Variants in DHX29 observed in about 807,000 individuals in gnomAD.
DHX29 encodes the protein DExH-box helicase 29.
Under a neutral mutation model 167.9 loss-of-function variants are expected in DHX29, and 79 were observed. The ratio of observed to expected loss-of-function variants is 0.47; its 90% CI spans 0.39 to 0.57. The LOEUF is 0.57. Among genes scored for constraint, DHX29 ranks in the 20% least tolerant of loss-of-function variants. The pLI is 0.00. For missense variants in DHX29, 1,347 were observed against 1,593.4 expected (o/e 0.85, Z 2.63); for synonymous variants, 530 against 546.0 (o/e 0.97, Z 0.41).
chr5:55,297,516 T>A (rs1361704062), intron 2 of DHX29, 118 bp from the exon 3 acceptor site: 14 of 614,582 alleles, frequency 2.3e-5, no homozygotes, highest in Non-Finnish European at 3.7e-5. Context: ...TAAAATCAGA[T>A]ACAGTAATTA....
At chr5:55,281,958 G>A (rs1747447311) in intron 11 of DHX29, among the ~76,000 whole-genome samples, 1 of 151,680 alleles carries the variant, frequency 6.6e-6, no homozygotes, top group African/African-American at 2.4e-5. Context: ...GCTAATTTTT[G>A]TATTTTTAGT....
In DHX29 at chr5:55,307,382, C is replaced by A. The variant is rs1222703002; in HGVS notation, c.187+5G>T. 8 of 1,612,246 alleles carry A rather than the reference C, an allele frequency of 5.0e-6. No homozygotes were observed. The South Asian group carries it at 8.8e-5, about 18-fold the overall frequency. On this transcript the variant is annotated splice_donor_5th_base_variant and intron_variant, in intron 1 of 26. Transcript: ENST00000251636. ...GACAGCCAGGGGCTGGGGGACCTCT[C>A]GTACCTTGCTTGACACGGGGCTCCC...
chr5:55,298,692 T>C (rs1748440179), intron 1 of DHX29, 28 bp from the exon 2 acceptor site: 1 of 1,058,158 alleles, frequency 9.5e-7, no homozygotes, highest in Non-Finnish European at 1.5e-6. Flanking sequence ...CAAGGCAATT[T>C]AATGATTAAT....
chr5:55,273,597 GTTCT>G (rs1304833243), intron 16 of DHX29, among the ~76,000 whole-genome samples: 3 of 152,138 alleles, frequency 2.0e-5, no homozygotes, highest in African/African-American at 7.2e-5. Context: ...TTTTTTTAAT[GTTCT>G]TTCTAATGTT....
At chr5:55,268,680 C>T (rs1746700912) in intron 21 of DHX29, among the ~76,000 whole-genome samples, 1 of 152,028 alleles carries the variant, frequency 6.6e-6, no homozygotes. Context: ...TATTGGTAAT[C>T]CCAGAAAAGG....
chr5:55,282,790 A>C (rs1747500266), intron 11 of DHX29, among the ~76,000 whole-genome samples: 1 of 152,070 alleles, frequency 6.6e-6, no homozygotes, highest in Non-Finnish European at 1.5e-5. Flanking sequence ...TTTAATTTAT[A>C]CTGTTTTTCC....
chr5:55,293,386 T>C (rs1579809423), intron 6 of DHX29, among the ~76,000 whole-genome samples: 2 of 152,226 alleles, frequency 1.3e-5, no homozygotes, highest in African/African-American at 2.4e-5. Context: ...ACATTTCCAT[T>C]AGCTTTACAC....
intron 25 of DHX29, among the ~76,000 whole-genome samples, chr5:55,260,203 T>C (rs533441901): frequency 6.6e-6 from 1 of 152,178 alleles, no homozygotes; most frequent in Non-Finnish European, 1.5e-5. Context: ...ATATCAACTC[T>C]GTGGAAGTTA....
At position 55,276,327 on chromosome 5, in the gene DHX29, T is replaced by C; in HGVS notation, c.2366A>G (p.Glu789Gly). The C allele has an allele frequency of 6.2e-7, 1 of 1,604,696 alleles. No individual in the cohort carries two copies. The highest frequency in any genetic ancestry group is 8.5e-7 in the Non-Finnish European group (1 of 1,176,734). ...ATTAATGGTTACTTCTTCTTCCTCT[T>C]CCAGAAATTTCTGACAATATTCTGA... ...KDSEYCQKFL[E>G]EEEEVTINVT... Residue 789 changes from glutamate to glycine, a missense_variant, in exon 14 of 27, where the codon GAA becomes GGA. Glu to Gly is a moderately conservative substitution (Grantham distance 98). This residue lies in a region of DHX29 where 882 missense variants were observed against 1,082.4 expected (regional missense o/e 0.81). Transcript: ENST00000251636.
intron 9 of DHX29, 57 bp from the exon 10 acceptor site, chr5:55,285,473 A>T: frequency 6.6e-7 from 1 of 1,509,208 alleles, no homozygotes; most frequent in Non-Finnish European, 9.0e-7. Context: ...AGATAAAAAA[A>T]ACTCAGAATT....
At chr5:55,281,152 C>T (rs1475272191) in intron 12 of DHX29, among the ~76,000 whole-genome samples, 2 of 151,720 alleles carry the variant, frequency 1.3e-5, no homozygotes, top group Non-Finnish European at 2.9e-5. Context: ...TATACACACA[C>T]ACAAATATAT....
rs113668096 is a variant in DHX29, at chr5:55,298,300, G to A, written c.261+291C>T. Among the ~76,000 whole-genome samples, 1,349 of 152,318 alleles carry A rather than the reference G, an allele frequency of 8.9e-3. 20 individuals carry two copies. Among genetic ancestry groups the A allele is most frequent in the African/African-American group, 0.031 (1,275 of 41,576 alleles). ...GATGTCCCATGAACTAAAATATTAA[G>A]TAGAGATCAGAGTAGCAGAGAGGAG... is the stretch of plus-strand genomic sequence containing the variant. On this transcript the variant is annotated intron_variant, in intron 2 of 26. Transcript: ENST00000251636.
chr5:55,273,257 G>A lies in DHX29; in HGVS notation c.2775+36C>T, dbSNP rs1410650003. ...TACGGCCATCATAAAATACTCTCAG[G>A]TGGATCACATATAAATTTGCTGTAC... is the stretch of plus-strand genomic sequence containing the variant. On this transcript the variant is annotated intron_variant, in intron 17 of 26. Coordinates refer to ENST00000251636, the MANE Select transcript of DHX29 (RefSeq NM_019030.4). The A allele has an allele frequency of 3.2e-6, 5 of 1,543,088 alleles. No individual in the cohort carries two copies. In the South Asian group the frequency reaches 6.2e-5, roughly 19 times the overall value.
chr5:55,268,384 C>T (rs1579761360), intron 21 of DHX29, among the ~76,000 whole-genome samples: 1 of 152,116 alleles, frequency 6.6e-6, no homozygotes, highest in African/African-American at 2.4e-5. Context: ...CAAAGAGAGA[C>T]TATAGTAATA....
chr5:55,270,518 T>G, intron 19 of DHX29, 31 bp from the exon 20 acceptor site: 1 of 1,613,260 alleles, frequency 6.2e-7, no homozygotes, highest in South Asian at 1.1e-5. Flanking sequence ...AAATACATAT[T>G]ATCAGAAATG....
intron 7 of DHX29, 117 bp downstream of exon 7, chr5:55,290,101 C>T (rs1747962430): frequency 1.6e-6 from 2 of 1,226,500 alleles, no homozygotes; most frequent in Admixed American, 4.8e-5. Flanking sequence ...TTGCTAATCC[C>T]ATGTATAAAC....
At chr5:55,301,713 CAAAAAAA>C (rs70992777) in intron 1 of DHX29, among the ~76,000 whole-genome samples, 6 of 64,740 alleles carry the variant, frequency 9.3e-5, no homozygotes, top group African/African-American at 3.4e-4. Flanking sequence ...AACTCCATCT[CAAAAAAA>C]AAAAAAAAAA....
At chr5:55,266,009 CT>C (rs1339324511) in intron 23 of DHX29, among the ~76,000 whole-genome samples, 1 of 141,776 alleles carries the variant, frequency 7.1e-6, no homozygotes, top group African/African-American at 2.6e-5. Flanking sequence ...TTTTCCTTTT[CT>C]TTTTTTTGAG....
chr5:55,307,529 C>T lies in DHX29; in HGVS notation c.45G>A (p.Val15=), dbSNP rs747674546. The T allele has an allele frequency of 1.9e-6, 3 of 1,613,558 alleles. No homozygotes were observed. Among genetic ancestry groups the T allele is most frequent in the Non-Finnish European group, 2.5e-6 (3 of 1,179,920 alleles). The part of the protein sequence containing the change: ...NKKHKAPAAA[V]VRAAVSASRA... ...TGGAAGCAGACACGGCGGCCCGGACCACCGCGGCCGCTGGAGCCTTGTGTT... is the reference window on the plus strand; with the variant it reads ...TGGAAGCAGACACGGCGGCCCGGACTACCGCGGCCGCTGGAGCCTTGTGTT... The change falls in exon 1 of 27, where the codon GTG becomes GTA. Residue 15 remains valine (V), a synonymous_variant. Transcript: ENST00000251636.
Sources: gnomAD v4.1 joint callset for allele counts (sites outside exome capture counted in the v4.1 genomes callset) on GRCh38, gnomAD v4.1.1 for gene constraint, gnomAD v4.1.1 regional missense constraint, MANE v1.5 for transcripts, NCBI Gene and HGNC (gene_info 2026-07-23, HGNC 2026-07-21) for gene names.